Variants in IMMP2L observed in about 807,000 individuals in gnomAD.
The protein encoded by IMMP2L is mitochondrial inner membrane protease subunit 2.
IMMP2L carries 18 observed loss-of-function variants against 19.3 expected under a neutral mutation model. The ratio of observed to expected loss-of-function variants is 0.93; its 90% CI spans 0.64 to 1.38. The LOEUF (loss-of-function observed/expected upper bound fraction) is 1.38, where lower values mean the gene tolerates loss of function less well. Among genes scored for constraint, IMMP2L ranks in the 40% most tolerant of loss-of-function variants. The pLI is 0.00. For synonymous variants in IMMP2L, 76 were observed against 73.0 expected (o/e 1.04, Z -0.21); for missense variants, 233 against 218.2 (o/e 1.07, Z -0.43).
At chr7:111,530,537 A>C (rs749315858) in intron 1 of IMMP2L, among the ~76,000 whole-genome samples, 19 of 152,158 alleles carry the variant, frequency 1.2e-4, no homozygotes, top group Admixed American at 2.0e-4. Flanking sequence ...GCACTGTCTT[A>C]GGTGTCTTGA....
At chr7:111,476,257 A>G (rs952921164) in intron 3 of IMMP2L, among the ~76,000 whole-genome samples, 1 of 152,182 alleles carries the variant, frequency 6.6e-6, no homozygotes. Flanking sequence ...GCACTGAAGA[A>G]CTGGCAAATA....
intron 5 of IMMP2L, among the ~76,000 whole-genome samples, chr7:110,883,210 AT>A (rs1350266946): frequency 6.6e-6 from 1 of 152,124 alleles, no homozygotes; most frequent in Admixed American, 6.6e-5. Flanking sequence ...AACGTGAAAA[AT>A]TTTTTGTACT....
At chr7:111,217,204 T>C (rs1812047063) in intron 3 of IMMP2L, among the ~76,000 whole-genome samples, 1 of 151,986 alleles carries the variant, frequency 6.6e-6, no homozygotes, top group Non-Finnish European at 1.5e-5. Flanking sequence ...AATATTTTTC[T>C]CTGTTCTGCA....
chr7:111,252,613 C>T (rs984658854), intron 3 of IMMP2L, among the ~76,000 whole-genome samples: 6 of 152,084 alleles, frequency 3.9e-5, no homozygotes, highest in African/African-American at 1.4e-4. Flanking sequence ...TACGTGGCTC[C>T]AAGACTGCAT....
chr7:110,765,028 A>G (rs1192810206), intron 5 of IMMP2L, among the ~76,000 whole-genome samples: 2 of 152,110 alleles, frequency 1.3e-5, no homozygotes, highest in African/African-American at 4.8e-5. Flanking sequence ...TTACATCTAT[A>G]AAATGAAGAA....
chr7:111,300,931 T>G (rs974055772), intron 3 of IMMP2L, among the ~76,000 whole-genome samples: 1 of 152,112 alleles, frequency 6.6e-6, no homozygotes, highest in Non-Finnish European at 1.5e-5. Flanking sequence ...GAACATAAGT[T>G]TTCATCACTC....
At chr7:111,189,373 G>GAA (rs10595657) in intron 3 of IMMP2L, among the ~76,000 whole-genome samples, 2 of 145,228 alleles carry the variant, frequency 1.4e-5, no homozygotes, top group Admixed American at 6.9e-5. Context: ...CTTTTTTAAT[G>GAA]AAAAAAAAAA....
Position 111,561,082 on chromosome 7 carries a change from G to A in IMMP2L, c.-3+769C>T, listed in dbSNP as rs538916445. On this transcript the variant is annotated intron_variant, in intron 1 of 5. Coordinates refer to ENST00000405709, the MANE Select transcript of IMMP2L (RefSeq NM_032549.4). ...TAATGAGCTCCCAACCTTGTGAGAG[G>A]AGCTGTGTTTCATTTCACCATACAG... 7.9e-5 allele frequency among the ~76,000 whole-genome samples: 12 copies of A among 152,258 alleles called. No individual in the cohort carries two copies. In the East Asian group the frequency reaches 2.1e-3, roughly 27 times the overall value.
At chr7:110,715,132 C>T (rs1054514998) in intron 5 of IMMP2L, among the ~76,000 whole-genome samples, 23 of 151,944 alleles carry the variant, frequency 1.5e-4, no homozygotes, top group African/African-American at 4.8e-4. Flanking sequence ...TTGTTGTTTC[C>T]GATTGTGCTT....
chr7:111,103,345 T>C (rs923825330), intron 3 of IMMP2L, among the ~76,000 whole-genome samples: 1 of 151,654 alleles, frequency 6.6e-6, no homozygotes, highest in African/African-American at 2.4e-5. Context: ...TTTCAAATAT[T>C]TGCCAACTGC....
chr7:111,171,063 G>A (rs1421116568), intron 3 of IMMP2L, among the ~76,000 whole-genome samples: 4 of 151,662 alleles, frequency 2.6e-5, no homozygotes, highest in Non-Finnish European at 5.9e-5. Flanking sequence ...TATTTCATAG[G>A]TTTACTTTTA....
chr7:111,387,500 A>G (rs1831878799), intron 3 of IMMP2L, among the ~76,000 whole-genome samples: 1 of 152,170 alleles, frequency 6.6e-6, no homozygotes, highest in Non-Finnish European at 1.5e-5. Flanking sequence ...CTGCCAAAAA[A>G]TAAATCCAAA....
intron 3 of IMMP2L, among the ~76,000 whole-genome samples, chr7:111,454,459 C>T (rs180822464): frequency 2.9e-4 from 44 of 151,768 alleles, no homozygotes; most frequent in South Asian, 1.9e-3. Context: ...AGCGATTAAC[C>T]CCATTAAAAA....
In IMMP2L at chr7:111,358,248, C is replaced by A. The variant is rs1188328700; in HGVS notation, c.239+128990G>T. Among the ~76,000 whole-genome samples, 6 of 150,678 alleles carry A rather than the reference C, an allele frequency of 4.0e-5. 1 individual carries two copies. In the East Asian group the frequency reaches 1.2e-3, roughly 29 times the overall value. On this transcript the variant is annotated intron_variant, in intron 3 of 5. Transcript: ENST00000405709. ...CAGCCTCAGATGCATTATCTTACTA[C>A]CCTCTATTCTCAGCTCCTCAATGAC...
At chr7:111,549,940 CA>C (rs758510157) in intron 1 of IMMP2L, among the ~76,000 whole-genome samples, 4,031 of 86,776 alleles carry the variant, frequency 0.046, 163 homozygotes, top group African/African-American at 0.14. Context: ...GACTCCGTGT[CA>C]AAAAAAAAAA....
intron 3 of IMMP2L, chr7:111,392,784 A>C (rs1455801247): frequency 2.2e-6 from 1 of 456,496 alleles, no homozygotes; most frequent in Non-Finnish European, 4.4e-6. Context: ...ATAAAACTCC[A>C]AAAAACACTT....
At chr7:111,056,141 T>C (rs908462138) in intron 3 of IMMP2L, among the ~76,000 whole-genome samples, 2 of 152,234 alleles carry the variant, frequency 1.3e-5, no homozygotes, top group Non-Finnish European at 2.9e-5. Flanking sequence ...TATTCATATC[T>C]ATTTAGCATG....
At chr7:110,891,957 T>G (rs543123919) in intron 4 of IMMP2L, among the ~76,000 whole-genome samples, 1 of 152,186 alleles carries the variant, frequency 6.6e-6, no homozygotes, top group East Asian at 1.9e-4. Flanking sequence ...TTTGAAGAGA[T>G]AGTGGTAGAG....
intron 5 of IMMP2L, among the ~76,000 whole-genome samples, chr7:110,769,529 A>T (rs1798900124): frequency 6.6e-6 from 1 of 152,082 alleles, no homozygotes; most frequent in Non-Finnish European, 1.5e-5. Context: ...CAGAGAAGAG[A>T]GGAAGTAAAA....
Sources: gnomAD v4.1 joint callset for allele counts (sites outside exome capture counted in the v4.1 genomes callset) on GRCh38, gnomAD v4.1.1 for gene constraint, MANE v1.5 for transcripts, NCBI Gene and HGNC (gene_info 2026-07-23, HGNC 2026-07-21) for gene names.